LHFPL3: variants seen among roughly 807,000 people sequenced by gnomAD.
The protein encoded by LHFPL3 is LHFPL tetraspan subfamily member 3, also known as LHFPL tetraspan subfamily member 3 protein.
A neutral mutation model predicts 19.3 loss-of-function variants in LHFPL3; 5 were observed. That is an observed-to-expected ratio of 0.26 (90% confidence interval 0.14 to 0.54). The LOEUF (loss-of-function observed/expected upper bound fraction) is 0.54. Ranked by LOEUF, LHFPL3 falls within the 20% of genes least tolerant of loss-of-function variation. LHFPL3 has a pLI of 0.94. For missense variants in LHFPL3, 249 were observed against 307.4 expected, an observed-to-expected ratio of 0.81 and a Z score of 1.42; for synonymous variants, 133 against 126.2, an observed-to-expected ratio of 1.05 and a Z score of -0.36.
chr7:104,553,020 C>A (rs1339436889), intron 1 of LHFPL3, among the ~76,000 whole-genome samples: 1 of 152,100 alleles, frequency 6.6e-6, no homozygotes, highest in Admixed American at 6.6e-5. Flanking sequence ...TGCTAATATC[C>A]ATAAAGCCCT....
At chr7:104,826,045 C>G (rs1790812533) in intron 2 of LHFPL3, among the ~76,000 whole-genome samples, 1 of 151,934 alleles carries the variant, frequency 6.6e-6, no homozygotes, top group African/African-American at 2.4e-5. Context: ...AATTAGCAGT[C>G]TCTCCCATGG....
chr7:104,568,415 G>A (rs1433203421), intron 1 of LHFPL3, among the ~76,000 whole-genome samples: 1 of 152,200 alleles, frequency 6.6e-6, no homozygotes, highest in Non-Finnish European at 1.5e-5. Context: ...ATTATGGTAT[G>A]TACTCAGTAT....
intron 2 of LHFPL3, among the ~76,000 whole-genome samples, chr7:104,769,929 T>G (rs1158327434): frequency 6.6e-6 from 1 of 152,122 alleles, no homozygotes; most frequent in Admixed American, 6.5e-5. Context: ...TATGGTTCAA[T>G]CTAACAGGAA....
intron 1 of LHFPL3, among the ~76,000 whole-genome samples, chr7:104,469,280 A>T (rs1389555341): frequency 3.3e-5 from 5 of 152,156 alleles, no homozygotes; most frequent in Non-Finnish European, 5.9e-5. Flanking sequence ...AGTGTGTTTT[A>T]TGTAAGTGGG....
At chr7:104,735,042 G>A (rs1284629431) in intron 1 of LHFPL3, among the ~76,000 whole-genome samples, 1 of 152,202 alleles carries the variant, frequency 6.6e-6, no homozygotes, top group African/African-American at 2.4e-5. Flanking sequence ...GGATATTGGT[G>A]AAAAGCAAAT....
intron 1 of LHFPL3, among the ~76,000 whole-genome samples, chr7:104,482,094 A>T (rs1418506845): frequency 1.3e-5 from 2 of 152,278 alleles, no homozygotes; most frequent in East Asian, 3.9e-4. Context: ...GCTGATTGAT[A>T]CAGAGGTACA....
intron 1 of LHFPL3, among the ~76,000 whole-genome samples, chr7:104,358,048 G>A (rs1022906608): frequency 7.9e-5 from 12 of 152,116 alleles, no homozygotes; most frequent in Non-Finnish European, 1.8e-4. Context: ...CAGCAATGGC[G>A]GAAGGGAATC....
intron 1 of LHFPL3, among the ~76,000 whole-genome samples, chr7:104,422,083 G>A (rs900638523): frequency 2.6e-5 from 4 of 152,332 alleles, no homozygotes; most frequent in African/African-American, 4.8e-5. Flanking sequence ...ATTTCAGGCC[G>A]GGTGCAGTGG....
intron 1 of LHFPL3, among the ~76,000 whole-genome samples, chr7:104,463,092 C>G (rs1009420053): frequency 1.3e-5 from 2 of 152,092 alleles, no homozygotes; most frequent in African/African-American, 4.8e-5. Context: ...ATAATATCAT[C>G]TTTGTCATAA....
At chr7:104,560,981 G>A (rs1416841853) in intron 1 of LHFPL3, among the ~76,000 whole-genome samples, 1 of 150,182 alleles carries the variant, frequency 6.7e-6, no homozygotes, top group African/African-American at 2.5e-5. Flanking sequence ...TTTCCATGTA[G>A]TTGAGCAGTT....
chr7:104,521,198 G>C (rs990538455), intron 1 of LHFPL3, among the ~76,000 whole-genome samples: 1 of 151,938 alleles, frequency 6.6e-6, no homozygotes, highest in African/African-American at 2.4e-5. Flanking sequence ...CCTTCATTTC[G>C]TTATGTACCC....
At chr7:104,860,995 T>C (rs866448940) in intron 2 of LHFPL3, among the ~76,000 whole-genome samples, 1 of 152,236 alleles carries the variant, frequency 6.6e-6, no homozygotes, top group Non-Finnish European at 1.5e-5. Flanking sequence ...GACAATCTTG[T>C]GCTTTCCACT....
intron 1 of LHFPL3, among the ~76,000 whole-genome samples, chr7:104,367,841 A>T (rs1392934100): frequency 6.6e-6 from 1 of 152,192 alleles, no homozygotes; most frequent in Non-Finnish European, 1.5e-5. Context: ...TTTTTGTTTT[A>T]ATTTTGTCTA....
At chr7:104,693,633 G>T (rs899851126) in intron 1 of LHFPL3, among the ~76,000 whole-genome samples, 1 of 151,846 alleles carries the variant, frequency 6.6e-6, no homozygotes, top group Non-Finnish European at 1.5e-5. Flanking sequence ...CACCATGATT[G>T]TAAGTTTCCT....
intron 1 of LHFPL3, among the ~76,000 whole-genome samples, chr7:104,625,653 T>C (rs532865403): frequency 1.3e-5 from 2 of 152,322 alleles, no homozygotes; most frequent in East Asian, 3.9e-4. Context: ...GTGATGCCTA[T>C]TTGTGAAGCA....
chr7:104,391,213 T>C (rs980538606), intron 1 of LHFPL3, among the ~76,000 whole-genome samples: 10 of 152,050 alleles, frequency 6.6e-5, no homozygotes, highest in African/African-American at 1.7e-4. Flanking sequence ...TCAATTTTGG[T>C]TTTTGTTGCC....
At chr7:104,630,234 G>A (rs1280593520) in intron 1 of LHFPL3, among the ~76,000 whole-genome samples, 4 of 152,106 alleles carry the variant, frequency 2.6e-5, no homozygotes, top group Non-Finnish European at 4.4e-5. Flanking sequence ...GAAGTGCTGG[G>A]GGCACATACA....
At chr7:104,881,030 C>T (rs75363494) in intron 2 of LHFPL3, among the ~76,000 whole-genome samples, 16,345 of 151,886 alleles carry the variant, frequency 0.11, 1,853 homozygotes, top group East Asian at 0.43. Flanking sequence ...ATTAGCCGGG[C>T]GTGCTAGCAG....
chr7:104,372,628 A>T (rs1422788703), intron 1 of LHFPL3, among the ~76,000 whole-genome samples: 3 of 152,218 alleles, frequency 2.0e-5, no homozygotes, highest in Non-Finnish European at 2.9e-5. Context: ...TTGGACAAGT[A>T]ACTTTATGTC....
Sources: allele counts gnomAD v4.1 joint callset (sites outside exome capture counted in the v4.1 genomes callset), GRCh38; gene constraint gnomAD v4.1.1; transcripts MANE v1.5; gene names NCBI Gene and HGNC (gene_info 2026-07-23, HGNC 2026-07-21).